The following CCSER1 variants were observed in gnomAD, a reference collection of about 807,000 sequenced individuals.
CCSER1 encodes the protein serine-rich coiled-coil domain-containing protein 1.
Under a neutral mutation model 82.0 loss-of-function variants are expected in CCSER1, and 41 were observed. The observed-to-expected ratio is 0.50, with a 90% confidence interval of 0.39 to 0.65. The LOEUF is 0.65. Among genes scored for constraint, CCSER1 ranks in the 30% least tolerant of loss-of-function variants. The probability of loss-of-function intolerance (pLI) is 0.00; values close to 1 mark genes in which losing one functional copy is unlikely to be tolerated. For missense variants in CCSER1, 1,119 were observed against 1,064.2 expected (o/e 1.05, Z -0.72); for synonymous variants, 414 against 383.9 (o/e 1.08, Z -0.92).
At chr4:91,378,826 G>T (rs1446265124) in intron 10 of CCSER1, among the ~76,000 whole-genome samples, 2 of 152,124 alleles carry the variant, frequency 1.3e-5, no homozygotes, top group Non-Finnish European at 2.9e-5. Context: ...CCTGTTTTGT[G>T]CCAGTTTTCA....
At chr4:91,576,977 T>G (rs2110300171) in intron 10 of CCSER1, among the ~76,000 whole-genome samples, 1 of 129,446 alleles carries the variant, frequency 7.7e-6, no homozygotes, top group Non-Finnish European at 1.6e-5. Context: ...ATACCTCATA[T>G]ATATTTAATT....
At chr4:90,483,326 A>G (rs1766405750) in intron 5 of CCSER1, among the ~76,000 whole-genome samples, 5 of 152,232 alleles carry the variant, frequency 3.3e-5, no homozygotes, top group Admixed American at 2.0e-4. Flanking sequence ...CTCTTTATCC[A>G]ATTTGCCAGT....
At chr4:91,360,299 GA>G (rs924825328) in intron 10 of CCSER1, among the ~76,000 whole-genome samples, 2 of 151,304 alleles carry the variant, frequency 1.3e-5, no homozygotes, top group African/African-American at 2.4e-5. Context: ...AAAATAATAT[GA>G]AAAAAAGATC....
At chr4:91,126,372 T>C (rs1009817283) in intron 10 of CCSER1, among the ~76,000 whole-genome samples, 85 of 152,032 alleles carry the variant, frequency 5.6e-4, no homozygotes, top group African/African-American at 1.8e-3. Context: ...TATGCTTTCT[T>C]CTGTCTCTCC....
intron 6 of CCSER1, among the ~76,000 whole-genome samples, chr4:90,722,668 G>GCA (rs1742880238): frequency 6.6e-6 from 1 of 151,734 alleles, no homozygotes; most frequent in African/African-American, 2.4e-5. Flanking sequence ...TTTACTCAAT[G>GCA]CACTGCCTTA....
chr4:91,382,897 A>C (rs544764420), intron 10 of CCSER1, among the ~76,000 whole-genome samples: 5 of 152,142 alleles, frequency 3.3e-5, no homozygotes, highest in Non-Finnish European at 7.4e-5. Flanking sequence ...CCAAACTAGC[A>C]GCAACCACAG....
chr4:90,153,309 A>G (rs1727276480), intron 1 of CCSER1, among the ~76,000 whole-genome samples: 1 of 151,934 alleles, frequency 6.6e-6, no homozygotes, highest in Non-Finnish European at 1.5e-5. Context: ...GGTTGGTTCC[A>G]AGTCTTTGCT....
intron 9 of CCSER1, among the ~76,000 whole-genome samples, chr4:90,975,582 A>G (rs1735536919): frequency 6.6e-6 from 1 of 151,286 alleles, no homozygotes; most frequent in South Asian, 2.1e-4. Flanking sequence ...ACGGAAACAG[A>G]GTCTCTAAGT....
intron 10 of CCSER1, among the ~76,000 whole-genome samples, chr4:91,371,343 T>A (rs1750032984): frequency 6.9e-6 from 1 of 144,362 alleles, no homozygotes; most frequent in Non-Finnish European, 1.5e-5. Flanking sequence ...CTGCTAACCA[T>A]CTTTCTACTC....
intron 10 of CCSER1, among the ~76,000 whole-genome samples, chr4:91,254,439 C>T (rs1740514868): frequency 6.6e-6 from 1 of 152,012 alleles, no homozygotes; most frequent in Non-Finnish European, 1.5e-5. Flanking sequence ...GTGAAATAAG[C>T]CAATCATAAA....
intron 8 of CCSER1, among the ~76,000 whole-genome samples, chr4:90,896,206 A>C (rs1723686973): frequency 6.6e-6 from 1 of 151,978 alleles, no homozygotes. Flanking sequence ...GGTACAAGGA[A>C]TCTGCACGAA....
At chr4:91,318,158 C>T (rs573156825) in intron 10 of CCSER1, among the ~76,000 whole-genome samples, 2 of 151,900 alleles carry the variant, frequency 1.3e-5, no homozygotes, top group East Asian at 2.0e-4. Context: ...ATGTGAGGGG[C>T]ACAACCTTAG....
intron 8 of CCSER1, among the ~76,000 whole-genome samples, chr4:90,883,629 C>A (rs905348997): frequency 6.6e-6 from 1 of 151,910 alleles, no homozygotes; most frequent in Non-Finnish European, 1.5e-5. Flanking sequence ...CAGTGTTAAT[C>A]GAGAGAATTA....
At position 90,815,793 on chromosome 4, in the gene CCSER1, A is replaced by G. The variant is rs2149764846; in HGVS notation, c.2042A>G (p.Lys681Arg). The change falls in exon 8 of 11, where the codon AAG (lysine) becomes AGG (arginine). Residue 681 changes from lysine (K) to arginine (R), a missense_variant. By Grantham distance (26) the Lys-to-Arg change is conservative. Coordinates refer to ENST00000509176, the MANE Select transcript of CCSER1 (RefSeq NM_001145065.2). The stretch of plus-strand genomic sequence containing the variant: ...ATGAAAGATGAATGCTCGATGCTCA[A>G]GCTGCAGCTGAAAGAGAAGGATGAA... ...DIMKDECSMLKLQLKEKDELI... is the reference protein window; with the variant it reads ...DIMKDECSMLRLQLKEKDELI... 1 of 1,551,206 alleles carries G rather than the reference A, an allele frequency of 6.4e-7. No individual in the cohort carries two copies. The highest frequency in any genetic ancestry group is 1.2e-5 in the South Asian group (1 of 84,010).
At chr4:90,338,366 C>T (rs1048623156) in intron 3 of CCSER1, among the ~76,000 whole-genome samples, 2 of 152,126 alleles carry the variant, frequency 1.3e-5, no homozygotes, top group Non-Finnish European at 2.9e-5. Flanking sequence ...TTTCCTTCTG[C>T]TTTTTATCAT....
intron 10 of CCSER1, among the ~76,000 whole-genome samples, chr4:91,151,629 C>T (rs1008173708): frequency 7.2e-5 from 11 of 152,208 alleles, no homozygotes; most frequent in Admixed American, 2.6e-4. Flanking sequence ...AAATTTCCCT[C>T]TACACACTGC....
intron 6 of CCSER1, among the ~76,000 whole-genome samples, chr4:90,639,327 C>T (rs974273513): frequency 6.6e-6 from 1 of 151,172 alleles, no homozygotes; most frequent in South Asian, 2.1e-4. Context: ...AAATAATTTA[C>T]CAATAATTTT....
At chr4:90,953,613 T>C (rs1301922969) in intron 9 of CCSER1, among the ~76,000 whole-genome samples, 1 of 151,708 alleles carries the variant, frequency 6.6e-6, no homozygotes, top group Non-Finnish European at 1.5e-5. Context: ...CCTATATCTA[T>C]GTATGTTAAT....
At chr4:91,159,451 C>A (rs1388694315) in intron 10 of CCSER1, among the ~76,000 whole-genome samples, 4 of 151,794 alleles carry the variant, frequency 2.6e-5, no homozygotes, top group Non-Finnish European at 5.9e-5. Flanking sequence ...GTATTAAAAA[C>A]AAGATGGCAT....
Sources: allele counts gnomAD v4.1 joint callset (sites outside exome capture counted in the v4.1 genomes callset), GRCh38; gene constraint gnomAD v4.1.1; transcripts MANE v1.5; gene names NCBI Gene and HGNC (gene_info 2026-07-23, HGNC 2026-07-21).